Variants in CCNY observed in about 807,000 individuals in gnomAD.
The protein encoded by CCNY is cyclin-Y.
Under a neutral mutation model 42.8 loss-of-function variants are expected in CCNY, and 19 were observed. The ratio of observed to expected loss-of-function variants is 0.44; its 90% CI spans 0.31 to 0.65. CCNY has a LOEUF of 0.65. Ranked by LOEUF, CCNY falls within the 30% of genes least tolerant of loss-of-function variation. The pLI is 0.07. For synonymous variants in CCNY, 165 were observed against 162.7 expected, an observed-to-expected ratio of 1.01 and a Z score of -0.11; for missense variants, 370 against 437.3, an observed-to-expected ratio of 0.85 and a Z score of 1.37.
rs546525440 is a variant in CCNY at position 35,400,619 on chromosome 10, T to C, written c.154+63412T>C. Among the ~76,000 whole-genome samples, 4 of 152,280 alleles carry C rather than the reference T, an allele frequency of 2.6e-5. No homozygotes were observed. In the South Asian group the frequency reaches 8.3e-4, roughly 32 times the overall value. ...GAATTATCAGTAGCTGTTTCCAGAG[T>C]TATCTACTGTTCGTTAGATAATTAG... On this transcript the variant is annotated intron_variant, in intron 1 of 9. Coordinates refer to ENST00000374704, the MANE Select transcript of CCNY (RefSeq NM_145012.6).
In CCNY at chr10:35,513,555, G is replaced by A. The variant is rs546792297; in HGVS notation, c.265-2968G>A. Reference sequence around the variant, plus strand: ...ACCTGCAGGTGCTTCCCACACACTCGCCCTGCTCAAGGTGCTTTACAAATA... The same window carrying A: ...ACCTGCAGGTGCTTCCCACACACTCACCCTGCTCAAGGTGCTTTACAAATA... On this transcript the variant is annotated intron_variant, in intron 3 of 9. Coordinates refer to ENST00000374704, the MANE Select transcript of CCNY (RefSeq NM_145012.6). 3.7e-4 allele frequency among the ~76,000 whole-genome samples: 57 copies of A among 152,198 alleles called. No individual in the cohort carries two copies. The Middle Eastern group carries it at 0.014, about 36-fold the overall frequency.
At chr10:35,483,606 G>C in intron 2 of CCNY, 128 bp downstream of exon 2, 1 of 554,394 alleles carries the variant, frequency 1.8e-6, no homozygotes, top group South Asian at 2.9e-5. Flanking sequence ...CACATATACT[G>C]TTTAATGGTA....
chr10:35,564,664 G>C (rs1841531746), intron 8 of CCNY, among the ~76,000 whole-genome samples: 1 of 152,142 alleles, frequency 6.6e-6, no homozygotes, highest in Non-Finnish European at 1.5e-5. Context: ...CCTGCACTAG[G>C]GCCCTGGCTT....
In CCNY at chr10:35,570,227, AAAAG is replaced by A. The variant is rs1357509509; in HGVS notation, c.*1061_*1064del. ...TAAAATTTTTAAAAAATCTAAAAGA[AAAAG>A]AAAAAAAACAAGGGTGGGTTGGGTA... On this transcript the variant is annotated 3_prime_UTR_variant, in exon 10 of 10. Transcript: ENST00000374704. 2.0e-5 allele frequency: 3 copies of A among 152,602 alleles called. No homozygotes were observed. The highest frequency in any genetic ancestry group is 6.5e-5 in the Admixed American group (1 of 15,288). The allele number at this position is 152,602 out of a possible 1,614,324, so 9.5% of individuals were successfully genotyped here.
upstream of CCNY, among the ~76,000 whole-genome samples, chr10:35,331,695 T>A (rs1362992318): frequency 2.6e-5 from 4 of 152,220 alleles, no homozygotes; most frequent in Non-Finnish European, 4.4e-5. Flanking sequence ...CTTAAAACTA[T>A]TAGCCATCCT....
chr10:35,301,622 C>T (rs1268048884), intron 3 of CCNY, among the ~76,000 whole-genome samples: 5 of 152,056 alleles, frequency 3.3e-5, no homozygotes, highest in Non-Finnish European at 7.4e-5. Flanking sequence ...CTGTTTTCAT[C>T]GCTGTCTTTT....
intron 1 of CCNY, among the ~76,000 whole-genome samples, chr10:35,364,972 A>G (rs74836341): frequency 0.011 from 1,680 of 152,330 alleles, 19 homozygotes; most frequent in Non-Finnish European, 0.014. Flanking sequence ...AAATGAACCA[A>G]TTAGGGCATG....
intron 1 of CCNY, among the ~76,000 whole-genome samples, chr10:35,345,491 G>C (rs1043167992): frequency 8.0e-5 from 12 of 150,324 alleles, no homozygotes; most frequent in African/African-American, 2.9e-4. Context: ...AAACTGACTC[G>C]CCTTACACAT....
chr10:35,466,599 T>G, intron 1 of CCNY, among the ~76,000 whole-genome samples: 1 of 152,166 alleles, frequency 6.6e-6, no homozygotes, highest in Non-Finnish European at 1.5e-5. Context: ...GCATTTATCC[T>G]GTTGCTCCCG....
chr10:35,503,393 CGT>C (rs1564437266), intron 3 of CCNY, among the ~76,000 whole-genome samples: 2 of 152,140 alleles, frequency 1.3e-5, no homozygotes, highest in Non-Finnish European at 1.5e-5. Flanking sequence ...TAACAAGCAG[CGT>C]GACCCTCTAA....
chr10:35,452,993 A>G (rs895564212), intron 1 of CCNY, among the ~76,000 whole-genome samples: 1 of 152,206 alleles, frequency 6.6e-6, no homozygotes, highest in Non-Finnish European at 1.5e-5. Flanking sequence ...ATTTATTTTT[A>G]GAGATGGATC....
intron 1 of CCNY, among the ~76,000 whole-genome samples, chr10:35,356,910 C>T (rs928955609): frequency 2.8e-4 from 42 of 152,268 alleles, no homozygotes; most frequent in Non-Finnish European, 3.2e-4. Flanking sequence ...TACTCCTCCC[C>T]GTGGCTCAGA....
chr10:35,468,377 G>C (rs1184359994), intron 1 of CCNY, among the ~76,000 whole-genome samples: 2 of 152,206 alleles, frequency 1.3e-5, no homozygotes, highest in Non-Finnish European at 1.5e-5. Context: ...TCAGTCTGTA[G>C]TGATTGTGTT....
At chr10:35,273,072 G>C (rs1396277554) in intron 3 of CCNY, among the ~76,000 whole-genome samples, 4 of 151,966 alleles carry the variant, frequency 2.6e-5, no homozygotes, top group African/African-American at 9.7e-5. Flanking sequence ...TAAACTTCAA[G>C]TGTGCTCTTG....
intron 3 of CCNY, among the ~76,000 whole-genome samples, chr10:35,252,610 C>T (rs1200451011): frequency 6.7e-6 from 1 of 148,694 alleles, no homozygotes. Context: ...ATCCTTTGCA[C>T]TTGCATTGAG....
At chr10:35,370,940 C>T (rs1192364216) in intron 1 of CCNY, among the ~76,000 whole-genome samples, 1 of 152,190 alleles carries the variant, frequency 6.6e-6, no homozygotes, top group Non-Finnish European at 1.5e-5. Context: ...TGGTCTCGAT[C>T]TCCTGACCCA....
At chr10:35,556,891 GCTGGAGTCCAATGGCGT>G (rs1841372484) in intron 8 of CCNY, among the ~76,000 whole-genome samples, 1 of 151,192 alleles carries the variant, frequency 6.6e-6, no homozygotes, top group South Asian at 2.1e-4. Flanking sequence ...TGTTGCCCAG[GCTGGAGTCCAATGGCGT>G]GATCTTGGCT....
intron 7 of CCNY, among the ~76,000 whole-genome samples, chr10:35,549,303 G>A (rs1589198460): frequency 6.6e-6 from 1 of 152,300 alleles, no homozygotes; most frequent in African/African-American, 2.4e-5. Flanking sequence ...AGGGGTGGGG[G>A]GTTCTGCAGA....
At chr10:35,312,544 A>G (rs1018460010) in intron 3 of CCNY, among the ~76,000 whole-genome samples, 1 of 151,994 alleles carries the variant, frequency 6.6e-6, no homozygotes. Flanking sequence ...TGTCTAATGT[A>G]GTACGATGTG....
Sources: allele counts gnomAD v4.1 joint callset (sites outside exome capture counted in the v4.1 genomes callset), GRCh38; gene constraint gnomAD v4.1.1; transcripts MANE v1.5; gene names NCBI Gene and HGNC (gene_info 2026-07-23, HGNC 2026-07-21).